MTCL1: variants seen among roughly 807,000 people sequenced by gnomAD.
The protein encoded by MTCL1 is microtubule cross-linking factor 1.
Under a neutral mutation model 141.4 loss-of-function variants are expected in MTCL1, and 79 were observed. The observed-to-expected ratio is 0.56, with a 90% CI of 0.47 to 0.67. The LOEUF (loss-of-function observed/expected upper bound fraction) is 0.67, where lower values mean the gene tolerates loss of function less well. Among genes scored for constraint, MTCL1 ranks in the 30% least tolerant of loss-of-function variants. MTCL1 has a pLI of 0.00. For missense variants in MTCL1, 2,177 were observed against 2,113.9 expected, an observed-to-expected ratio of 1.03 and a Z score of -0.59; for synonymous variants, 914 against 875.8, an observed-to-expected ratio of 1.04 and a Z score of -0.77.
chr18:8,782,736 G>A (rs765362663), intron 5 of MTCL1: 8 of 152,282 alleles, frequency 5.3e-5, no homozygotes, highest in African/African-American at 1.9e-4. Flanking sequence ...AGGCTCTGAA[G>A]TTGCACTTGC....
intron 4 of MTCL1, among the ~76,000 whole-genome samples, chr18:8,741,681 A>C (rs1390712333): frequency 6.6e-6 from 1 of 152,248 alleles, no homozygotes; most frequent in African/African-American, 2.4e-5. Flanking sequence ...CAAGCAGCAC[A>C]GACTCGCAAA....
chr18:8,783,770 A>G (rs374606434), exon 6 of MTCL1: 2 of 1,613,152 alleles, frequency 1.2e-6, no homozygotes, highest in African/African-American at 2.7e-5. Flanking sequence ...GGAAGCCAAC[A>G]TCTTGGGCCG....
chr18:8,709,500 T>A (rs1306387241), intron 1 of MTCL1, among the ~76,000 whole-genome samples: 2 of 152,202 alleles, frequency 1.3e-5, no homozygotes, highest in African/African-American at 4.8e-5. Flanking sequence ...CGTGGGGTAC[T>A]TTTTAAAGAG....
chr18:8,775,258 C>T (rs2096501934), intron 4 of MTCL1, among the ~76,000 whole-genome samples: 1 of 152,032 alleles, frequency 6.6e-6, no homozygotes, highest in African/African-American at 2.4e-5. Context: ...GGATTTATCT[C>T]ACTCAGCTCA....
At chr18:8,721,504 C>T (rs1007804537) in intron 4 of MTCL1, among the ~76,000 whole-genome samples, 3 of 152,226 alleles carry the variant, frequency 2.0e-5, no homozygotes, top group African/African-American at 4.8e-5. Context: ...CTGCCCCCAC[C>T]CCTCTTCTCA....
rs548664495 is a variant in MTCL1, at chr18:8,821,556, ATGT to A, written c.3188+63_3188+65del. On this transcript the variant is annotated intron_variant, in intron 14 of 16. Coordinates refer to ENST00000359865, the Ensembl canonical transcript of MTCL1. ...AGAATAAAAATGTCTTGGTCTTAAA[ATGT>A]TGTTTTGTCAATGCAGTCTATTTTA... 733 of 1,072,968 alleles carry A rather than the reference ATGT, an allele frequency of 6.8e-4. 9 individuals carry two copies. In the East Asian group the frequency reaches 0.016, roughly 23 times the overall value. The allele number at this position is 1,072,968 out of a possible 1,614,324, so 66.5% of individuals were successfully genotyped here. A position where few individuals can be genotyped will look rare whatever the true frequency, so the allele number is the denominator to read the frequency against.
Position 8,825,147 on chromosome 18 carries a change from C to T in MTCL1, c.3637C>T (p.Pro1213Ser), listed in dbSNP as rs915424937. Residue 1213 changes from proline to serine, a missense_variant, in exon 15 of 17, where the codon CCC becomes TCC. Pro to Ser is a moderately conservative substitution (Grantham distance 74). Coordinates refer to ENST00000359865, the Ensembl canonical transcript of MTCL1. ...CATCACGGCGGCAGGTGGTGAGGGTCCCTTTCCCACAAGCAGAGCCAGAGG... is the reference window on the plus strand; with the variant it reads ...CATCACGGCGGCAGGTGGTGAGGGTTCCTTTCCCACAAGCAGAGCCAGAGG... 3.2e-6 allele frequency: 5 copies of T among 1,584,102 alleles called. No homozygotes were observed. In the Admixed American group the frequency reaches 5.2e-5, roughly 16 times the overall value.
chr18:8,709,849 AT>A (rs918952095), intron 1 of MTCL1, among the ~76,000 whole-genome samples: 4 of 151,738 alleles, frequency 2.6e-5, no homozygotes, highest in African/African-American at 4.8e-5. Context: ...ATTTTTATTT[AT>A]TTTTTTTGAG....
At chr18:8,797,840 C>G (rs927681634) in intron 9 of MTCL1, among the ~76,000 whole-genome samples, 2 of 152,176 alleles carry the variant, frequency 1.3e-5, no homozygotes, top group African/African-American at 4.8e-5. Flanking sequence ...TAGCTATTAG[C>G]AATACTAATT....
intron 4 of MTCL1, among the ~76,000 whole-genome samples, chr18:8,743,120 G>A (rs963654927): frequency 6.6e-6 from 1 of 152,248 alleles, no homozygotes; most frequent in South Asian, 2.1e-4. Context: ...GAAGTCCCGT[G>A]TGGAGGAGCT....
upstream of MTCL1, among the ~76,000 whole-genome samples, chr18:8,714,258 C>T (rs554713146): frequency 1.3e-5 from 2 of 152,190 alleles, no homozygotes; most frequent in African/African-American, 4.8e-5. Context: ...AGGTAACTAG[C>T]CTCAGTTTTG....
At chr18:8,826,704 C>T (rs956533183) in intron 15 of MTCL1, among the ~76,000 whole-genome samples, 25 of 152,308 alleles carry the variant, frequency 1.6e-4, no homozygotes, top group South Asian at 6.2e-4. Flanking sequence ...CACAAGATCT[C>T]GATTCCTGGG....
exon 6 of MTCL1, chr18:8,784,185 A>G: frequency 6.2e-7 from 1 of 1,613,848 alleles, no homozygotes. Context: ...CTGCAGCACG[A>G]GAACCACGCG....
chr18:8,783,716 A>C (rs201111042), exon 6 of MTCL1: 1 of 1,606,936 alleles, frequency 6.2e-7, no homozygotes, highest in African/African-American at 1.3e-5. Flanking sequence ...GCCCCCCAGC[A>C]CCCGGGAGGC....
intron 15 of MTCL1, among the ~76,000 whole-genome samples, chr18:8,827,928 T>G (rs1345036727): frequency 1.3e-5 from 2 of 152,210 alleles, no homozygotes; most frequent in African/African-American, 4.8e-5. Flanking sequence ...GATTTTCTCT[T>G]CACTTGGTGT....
At chr18:8,730,260 C>G (rs1306664248) in intron 4 of MTCL1, among the ~76,000 whole-genome samples, 10 of 152,114 alleles carry the variant, frequency 6.6e-5, no homozygotes, top group Admixed American at 6.5e-4. Context: ...CCCATTTGAT[C>G]CCTCAATGGC....
At chr18:8,784,889 C>G in intron 6 of MTCL1, 46 bp downstream of exon 5, 1 of 1,479,894 alleles carries the variant, frequency 6.8e-7, no homozygotes, top group Non-Finnish European at 9.1e-7. Flanking sequence ...CTTGCTCTTC[C>G]TCCTTCTCGC....
chr18:8,827,033 G>A (rs1428612109), intron 15 of MTCL1, among the ~76,000 whole-genome samples: 1 of 152,210 alleles, frequency 6.6e-6, no homozygotes, highest in African/African-American at 2.4e-5. Context: ...CCACTTTGTG[G>A]TTCGTGCAGC....
exon 6 of MTCL1, chr18:8,784,385 A>G (rs1176762527): frequency 2.0e-6 from 3 of 1,527,416 alleles, no homozygotes; most frequent in Non-Finnish European, 2.6e-6. Context: ...GTTTGAGAAG[A>G]CGTCGGGCTT....
Sources: gnomAD v4.1 joint callset for allele counts (sites outside exome capture counted in the v4.1 genomes callset) on GRCh38, gnomAD v4.1.1 for gene constraint, MANE v1.5 for transcripts, NCBI Gene and HGNC (gene_info 2026-07-23, HGNC 2026-07-21) for gene names.